UNC5D: variants seen among roughly 807,000 people sequenced by gnomAD.
UNC5D encodes the protein unc-5 netrin receptor D.
Under a neutral mutation model 105.4 loss-of-function variants are expected in UNC5D, and 39 were observed. That is an observed-to-expected ratio of 0.37 (90% CI 0.29 to 0.48). The LOEUF (loss-of-function observed/expected upper bound fraction) is 0.48. UNC5D is among the 20% of genes least tolerant of loss of function. The pLI is 0.98. For synonymous variants in UNC5D, 452 were observed against 450.4 expected (o/e 1.00, Z -0.04); for missense variants, 991 against 1,202.4 (o/e 0.82, Z 2.60).
chr8:35,779,202 T>C (rs935991951), intron 16 of UNC5D, among the ~76,000 whole-genome samples: 1 of 152,154 alleles, frequency 6.6e-6, no homozygotes, highest in Admixed American at 6.6e-5. Context: ...AACTGCGAAA[T>C]AACGAATTGG....
chr8:35,433,771 C>A (rs1194294674), intron 1 of UNC5D, among the ~76,000 whole-genome samples: 1 of 151,182 alleles, frequency 6.6e-6, no homozygotes, highest in Non-Finnish European at 1.5e-5. Flanking sequence ...ATTGCTTGAA[C>A]CTGGGAGGCA....
chr8:35,503,385 A>G (rs1812093487), intron 1 of UNC5D, among the ~76,000 whole-genome samples: 1 of 152,204 alleles, frequency 6.6e-6, no homozygotes, highest in South Asian at 2.1e-4. Flanking sequence ...AAAACCCCCT[A>G]TAAAGCCATC....
chr8:35,486,166 T>C (rs1466059330), intron 1 of UNC5D, among the ~76,000 whole-genome samples: 7 of 152,214 alleles, frequency 4.6e-5, no homozygotes, highest in Non-Finnish European at 1.0e-4. Context: ...ATGGGAAATA[T>C]TTTCAGTAAT....
chr8:35,377,784 A>G (rs535551195), intron 1 of UNC5D, among the ~76,000 whole-genome samples: 3 of 152,326 alleles, frequency 2.0e-5, no homozygotes, highest in African/African-American at 7.2e-5. Flanking sequence ...AAAGGGTCAT[A>G]TCTAGACTTT....
intron 1 of UNC5D, among the ~76,000 whole-genome samples, chr8:35,261,892 A>G (rs1305904071): frequency 6.6e-6 from 1 of 152,212 alleles, no homozygotes; most frequent in African/African-American, 2.4e-5. Context: ...TTGAAGCCAG[A>G]TATATATCTC....
At chr8:35,429,113 C>T (rs1320662940) in intron 1 of UNC5D, among the ~76,000 whole-genome samples, 2 of 152,052 alleles carry the variant, frequency 1.3e-5, no homozygotes, top group African/African-American at 2.4e-5. Context: ...TTGTATAGAA[C>T]ACATCATGGT....
intron 1 of UNC5D, among the ~76,000 whole-genome samples, chr8:35,348,019 C>T (rs996302437): frequency 5.9e-5 from 9 of 151,778 alleles, no homozygotes; most frequent in Middle Eastern, 3.2e-3. Flanking sequence ...GAAGTAGTAC[C>T]TCTTTGTTTT....
At chr8:35,254,406 G>T (rs755854414) in intron 1 of UNC5D, 5 of 152,124 alleles carry the variant, frequency 3.3e-5, no homozygotes, top group Non-Finnish European at 7.4e-5. Flanking sequence ...ATTCCAGAGT[G>T]TCTTTTAATA....
chr8:35,381,625 T>C (rs1428161539), intron 1 of UNC5D, among the ~76,000 whole-genome samples: 2 of 152,148 alleles, frequency 1.3e-5, no homozygotes, highest in East Asian at 3.8e-4. Flanking sequence ...TTCATTAGTG[T>C]CATTAGAATG....
chr8:35,661,949 G>T lies in UNC5D; in HGVS notation c.571-21598G>T, dbSNP rs944082673. Among the ~76,000 whole-genome samples, 4 of 152,206 alleles carry T rather than the reference G, an allele frequency of 2.6e-5. No individual in the cohort carries two copies. In the East Asian group the frequency reaches 7.7e-4, roughly 29 times the overall value. On this transcript the variant is annotated intron_variant, in intron 4 of 16. Transcript: ENST00000404895. Reference sequence around the variant, plus strand: ...TTCCACTTATTCCCTGATTCATGGTGCTTCTTCTCCTGCCACTCCACATGC... The same window carrying T: ...TTCCACTTATTCCCTGATTCATGGTTCTTCTTCTCCTGCCACTCCACATGC...
At chr8:35,654,480 G>A (rs921565680) in intron 4 of UNC5D, among the ~76,000 whole-genome samples, 3 of 152,082 alleles carry the variant, frequency 2.0e-5, no homozygotes, top group African/African-American at 7.2e-5. Context: ...GTCTATACGC[G>A]TGGCTCACTA....
chr8:35,302,057 C>A (rs1807999949), intron 1 of UNC5D, among the ~76,000 whole-genome samples: 1 of 151,932 alleles, frequency 6.6e-6, no homozygotes, highest in East Asian at 1.9e-4. Context: ...AAATTTTATG[C>A]CTGATAAAAT....
intron 1 of UNC5D, among the ~76,000 whole-genome samples, chr8:35,293,771 G>T (rs1177758705): frequency 6.6e-6 from 1 of 152,158 alleles, no homozygotes; most frequent in Non-Finnish European, 1.5e-5. Flanking sequence ...ATTGTAATTT[G>T]TTCACACTTA....
chr8:35,316,763 A>G (rs1194108634), intron 1 of UNC5D, among the ~76,000 whole-genome samples: 1 of 152,168 alleles, frequency 6.6e-6, no homozygotes, highest in African/African-American at 2.4e-5. Context: ...TGTGATGAGT[A>G]ATTAAAGTCA....
intron 1 of UNC5D, among the ~76,000 whole-genome samples, chr8:35,381,989 A>T (rs1454657880): frequency 6.6e-6 from 1 of 152,246 alleles, no homozygotes; most frequent in African/African-American, 2.4e-5. Context: ...ACCTGTTTGA[A>T]AGTTGGATGT....
intron 1 of UNC5D, among the ~76,000 whole-genome samples, chr8:35,485,181 T>C (rs2130027875): frequency 6.6e-6 from 1 of 152,236 alleles, no homozygotes; most frequent in Non-Finnish European, 1.5e-5. Flanking sequence ...GGCAAGACAG[T>C]AGTTGGTGGC....
chr8:35,344,570 G>C (rs1182592226), intron 1 of UNC5D, among the ~76,000 whole-genome samples: 3 of 152,016 alleles, frequency 2.0e-5, no homozygotes, highest in Non-Finnish European at 2.9e-5. Flanking sequence ...CCAGGATAAT[G>C]ATGCAGAAAC....
intron 1 of UNC5D, among the ~76,000 whole-genome samples, chr8:35,527,443 T>C (rs1037475828): frequency 1.3e-5 from 2 of 152,172 alleles, no homozygotes; most frequent in East Asian, 1.9e-4. Context: ...TGGAAGATTC[T>C]GTGTCTGGTG....
intron 1 of UNC5D, among the ~76,000 whole-genome samples, chr8:35,366,155 A>AACCCC (rs1273451672): frequency 1.3e-5 from 2 of 152,144 alleles, no homozygotes; most frequent in Admixed American, 1.3e-4. Context: ...CTTGGAATTA[A>AACCCC]ACCCCATTTA....
Sources: gnomAD v4.1 joint callset for allele counts (sites outside exome capture counted in the v4.1 genomes callset) on GRCh38, gnomAD v4.1.1 for gene constraint, MANE v1.5 for transcripts, NCBI Gene and HGNC (gene_info 2026-07-23, HGNC 2026-07-21) for gene names.